CHRM3: variants seen among roughly 807,000 people sequenced by gnomAD.
The protein encoded by CHRM3 is muscarinic acetylcholine receptor M3.
CHRM3 carries 11 observed loss-of-function variants against 41.8 expected under a neutral mutation model. The observed-to-expected ratio is 0.26, with a 90% CI of 0.17 to 0.44. The LOEUF is 0.44. Among genes scored for constraint, CHRM3 ranks in the 20% least tolerant of loss-of-function variants. CHRM3 has a pLI of 1.00. For missense variants in CHRM3, 571 were observed against 745.4 expected, an observed-to-expected ratio of 0.77 and a Z score of 2.72; for synonymous variants, 297 against 301.4, an observed-to-expected ratio of 0.99 and a Z score of 0.15.
At chr1:239,643,158 G>T (rs1671378234) in intron 4 of CHRM3, among the ~76,000 whole-genome samples, 1 of 152,118 alleles carries the variant, frequency 6.6e-6, no homozygotes, top group South Asian at 2.1e-4. Flanking sequence ...GGCAGTGTGA[G>T]GTGTCAGTCT....
intron 6 of CHRM3, among the ~76,000 whole-genome samples, chr1:239,904,882 C>T (rs1336848677): frequency 6.6e-6 from 1 of 152,058 alleles, no homozygotes; most frequent in Non-Finnish European, 1.5e-5. Context: ...CTAAGGTGAA[C>T]ATGTGTACAT....
chr1:239,641,452 T>TA (rs1316214381), intron 4 of CHRM3, among the ~76,000 whole-genome samples: 2 of 147,276 alleles, frequency 1.4e-5, no homozygotes, highest in Non-Finnish European at 3.0e-5. Context: ...GGTGCTCCTG[T>TA]ATTGGGTGCA....
chr1:239,582,869 C>T (rs965182219), intron 3 of CHRM3, among the ~76,000 whole-genome samples: 35 of 152,260 alleles, frequency 2.3e-4, no homozygotes, highest in African/African-American at 8.2e-4. Flanking sequence ...AGGATAAAAT[C>T]CACAGACTTT....
At chr1:239,590,177 T>C (rs1285444761) in intron 3 of CHRM3, among the ~76,000 whole-genome samples, 2 of 152,176 alleles carry the variant, frequency 1.3e-5, no homozygotes, top group African/African-American at 4.8e-5. Context: ...GGATTTGCTC[T>C]GGGAATCCCT....
chr1:239,818,783 G>T (rs1405128561), intron 5 of CHRM3, among the ~76,000 whole-genome samples: 1 of 152,204 alleles, frequency 6.6e-6, no homozygotes, highest in Non-Finnish European at 1.5e-5. Flanking sequence ...GGGCAGGAAA[G>T]GGCTGAAGAA....
chr1:239,841,581 G>A (rs1045399763), intron 6 of CHRM3, among the ~76,000 whole-genome samples: 16 of 152,180 alleles, frequency 1.1e-4, no homozygotes, highest in African/African-American at 3.9e-4. Flanking sequence ...AAACTGAAGG[G>A]CAATGGACTG....
chr1:239,618,766 C>G (rs942100061), intron 3 of CHRM3, among the ~76,000 whole-genome samples: 1 of 147,888 alleles, frequency 6.8e-6, no homozygotes, highest in Non-Finnish European at 1.5e-5. Flanking sequence ...ATGGCGTGAA[C>G]CCGGGAGGCG....
At chr1:239,446,128 G>C (rs1001438468) in intron 1 of CHRM3, among the ~76,000 whole-genome samples, 2 of 152,032 alleles carry the variant, frequency 1.3e-5, no homozygotes, top group African/African-American at 2.4e-5. Context: ...GTAGAGATGG[G>C]GTTTCACCAT....
chr1:239,451,779 G>A (rs1049121384), intron 1 of CHRM3, among the ~76,000 whole-genome samples: 5 of 152,048 alleles, frequency 3.3e-5, no homozygotes, highest in South Asian at 4.1e-4. Context: ...AAATATATGA[G>A]TAAAGTAATT....
At chr1:239,529,955 T>G (rs1443470083) in intron 2 of CHRM3, among the ~76,000 whole-genome samples, 3 of 152,214 alleles carry the variant, frequency 2.0e-5, no homozygotes, top group African/African-American at 2.4e-5. Flanking sequence ...TGGAGTGCAG[T>G]GGCGCGATCT....
intron 2 of CHRM3, among the ~76,000 whole-genome samples, chr1:239,498,357 A>T (rs1437358372): frequency 6.6e-6 from 1 of 152,142 alleles, no homozygotes; most frequent in Non-Finnish European, 1.5e-5. Context: ...GGGTTTTATG[A>T]TCACTGTATT....
intron 4 of CHRM3, among the ~76,000 whole-genome samples, chr1:239,650,631 G>C (rs990911038): frequency 7.9e-5 from 12 of 152,220 alleles, no homozygotes; most frequent in African/African-American, 2.9e-4. Context: ...ATGTGGCCCA[G>C]GACAAGCATT....
At chr1:239,602,125 T>TATATATATATAC (rs1325053196) in intron 3 of CHRM3, among the ~76,000 whole-genome samples, 5 of 144,004 alleles carry the variant, frequency 3.5e-5, no homozygotes, top group Non-Finnish European at 7.5e-5. Context: ...TATATATATA[T>TATATATATATAC]ATATATATAT....
intron 2 of CHRM3, among the ~76,000 whole-genome samples, chr1:239,534,468 C>G (rs115688282): frequency 6.6e-6 from 1 of 152,300 alleles, no homozygotes; most frequent in African/African-American, 2.4e-5. Context: ...GGATATGGAT[C>G]GCTGGCTAAG....
intron 6 of CHRM3, among the ~76,000 whole-genome samples, chr1:239,864,817 C>CACTTTTT (rs1352432072): frequency 6.6e-6 from 1 of 152,056 alleles, no homozygotes; most frequent in Non-Finnish European, 1.5e-5. Flanking sequence ...TTTGAGATAT[C>CACTTTTT]ACTTTTTACC....
chr1:239,556,983 A>T (rs183913081), intron 3 of CHRM3, among the ~76,000 whole-genome samples: 1 of 152,254 alleles, frequency 6.6e-6, no homozygotes, highest in Non-Finnish European at 1.5e-5. Context: ...AAATTTTTTT[A>T]AAAATTTTAA....
intron 6 of CHRM3, among the ~76,000 whole-genome samples, chr1:239,850,652 C>T (rs775768144): frequency 1.3e-5 from 2 of 152,170 alleles, no homozygotes; most frequent in Non-Finnish European, 2.9e-5. Flanking sequence ...CGGGAGGGAC[C>T]TCCTGGGAGG....
At chr1:239,403,386 A>G (rs1660142875) in intron 1 of CHRM3, among the ~76,000 whole-genome samples, 1 of 152,238 alleles carries the variant, frequency 6.6e-6, no homozygotes, top group African/African-American at 2.4e-5. Flanking sequence ...AAAAAGAAAC[A>G]TGAGTTTTAG....
At chr1:239,492,922 T>G (rs1361255165) in intron 2 of CHRM3, 115 bp downstream of exon 2, 1 of 152,186 alleles carries the variant, frequency 6.6e-6, no homozygotes, top group Non-Finnish European at 1.5e-5. Flanking sequence ...TTGTCCAAAA[T>G]TCATCTGAGA....
Sources: allele counts gnomAD v4.1 joint callset (sites outside exome capture counted in the v4.1 genomes callset), GRCh38; gene constraint gnomAD v4.1.1; transcripts MANE v1.5; gene names NCBI Gene and HGNC (gene_info 2026-07-23, HGNC 2026-07-21).